Variants in INO80E observed in about 807,000 individuals in gnomAD.
INO80E encodes coiled-coil domain containing 95.
Under a neutral mutation model 27.3 loss-of-function variants are expected in INO80E, and 20 were observed. The ratio of observed to expected loss-of-function variants is 0.73; its 90% CI spans 0.51 to 1.06. The LOEUF is 1.06. INO80E is among the 50% of genes least tolerant of loss of function. The pLI is 0.00. For missense variants in INO80E, 357 were observed against 322.8 expected (o/e 1.11, Z -0.81); for synonymous variants, 167 against 145.9 (o/e 1.14, Z -1.04).
intron 3 of INO80E, 132 bp downstream of exon 3, chr16:29,996,992 C>A: frequency 1.2e-6 from 1 of 808,940 alleles, no homozygotes; most frequent in Non-Finnish European, 2.1e-6. Context: ...GCTTGCCTTC[C>A]ACCTCCACCG....
chr16:30,000,350 G>A lies in INO80E; in HGVS notation c.206-408G>A, dbSNP rs151143733. On this transcript the variant is annotated intron_variant, in intron 3 of 6. Coordinates refer to ENST00000563197, the MANE Select transcript of INO80E (RefSeq NM_173618.3). Reference sequence around the variant, plus strand: ...ACCAGCTGGTGAGTCAGATTCCCCCGGGGCCCTTCTGTTAGGTTTTGGTTT... The same window carrying A: ...ACCAGCTGGTGAGTCAGATTCCCCCAGGGCCCTTCTGTTAGGTTTTGGTTT... Among the ~76,000 whole-genome samples the A allele has an allele frequency of 8.7e-4, 133 of 152,176 alleles. 1 individual carries two copies. Among genetic ancestry groups the A allele is most frequent in the Non-Finnish European group, 1.4e-3 (95 of 68,006 alleles).
intron 4 of INO80E, 39 bp downstream of exon 4, chr16:30,000,875 G>A (rs1232035335): frequency 6.2e-7 from 1 of 1,612,188 alleles, no homozygotes; most frequent in South Asian, 1.1e-5. Flanking sequence ...GGGAGGGTCA[G>A]GTGGGGCGCC....
chr16:29,996,957 C>G (rs1242360992), intron 3 of INO80E, 97 bp downstream of exon 3: 2 of 1,162,926 alleles, frequency 1.7e-6, no homozygotes, highest in East Asian at 4.7e-5. Context: ...GCTGATGCAG[C>G]CCCCAGTGGT....
At position 30,005,208 on chromosome 16, in the gene INO80E, C is replaced by A. The variant is rs950022722; in HGVS notation, c.514-13C>A. 7 of 1,435,274 alleles carry A rather than the reference C, an allele frequency of 4.9e-6. No homozygotes were observed. Among genetic ancestry groups the A allele is most frequent in the Admixed American group, 6.4e-5 (2 of 31,186 alleles). 88.9% of individuals were successfully genotyped at this position (1,435,274 alleles called of 1,614,324 possible). ...CCTGACTAGTCCCCCTGTGTTTCTT[C>A]CCCCTGCTGCAGATGGCGGTGGGAC... On this transcript the variant is annotated splice_polypyrimidine_tract_variant and intron_variant, in intron 6 of 6. Coordinates refer to ENST00000563197, the MANE Select transcript of INO80E (RefSeq NM_173618.3).
chr16:29,998,873 G>A (rs188059816), intron 3 of INO80E, among the ~76,000 whole-genome samples: 2 of 152,270 alleles, frequency 1.3e-5, no homozygotes, highest in African/African-American at 2.4e-5. Context: ...GTGAAACCCC[G>A]TCTCTACTAA....
rs1223439188 is a variant in INO80E at position 29,996,704 on chromosome 16, T to C, written c.152+87T>C. 6.3e-6 allele frequency: 10 copies of C among 1,587,948 alleles called. No individual in the cohort carries two copies. The East Asian group carries it at 2.0e-4, about 32-fold the overall frequency. Reference sequence around the variant, plus strand: ...ATCCCCGAGTAGGGCCACAAGTGCATGGGCTCTTTCAAGTATCCGATGGGC... The same window carrying C: ...ATCCCCGAGTAGGGCCACAAGTGCACGGGCTCTTTCAAGTATCCGATGGGC... On this transcript the variant is annotated intron_variant, in intron 2 of 6. Transcript: ENST00000563197.
In INO80E at chr16:30,005,319, A is replaced by AAGCACCCCCCCCCCC; in HGVS notation, c.612_613insAGCACCCCCCCCCCC (p.Pro204_Pro205insSerThrProProPro). 1 of 280,394 alleles carries AAGCACCCCCCCCCCC rather than the reference A, an allele frequency of 3.6e-6. No individual in the cohort carries two copies. Among genetic ancestry groups the AAGCACCCCCCCCCCC allele is most frequent in the Non-Finnish European group, 5.2e-6 (1 of 190,692 alleles). The allele number at this position is 280,394 out of a possible 1,614,324, so 17.4% of individuals were successfully genotyped here. ...TCGGGACAACCCTGACCCCCCTCCC[A>AAGCACCCCCCCCCCC]CCCCCTAAGATGCCCCCCCCCACGA... On this transcript the variant is annotated inframe_insertion, in exon 7 of 7. Coordinates refer to ENST00000563197, the MANE Select transcript of INO80E (RefSeq NM_173618.3).
chr16:30,001,732 G>A, intron 6 of INO80E: 1 of 548,282 alleles, frequency 1.8e-6, no homozygotes, highest in Middle Eastern at 4.9e-4. Context: ...CAGCCTTGGA[G>A]GACCCGGTGT....
chr16:29,999,111 A>T (rs1025035189), intron 3 of INO80E, among the ~76,000 whole-genome samples: 1 of 151,592 alleles, frequency 6.6e-6, no homozygotes, highest in Non-Finnish European at 1.5e-5. Flanking sequence ...ACGTTTTAGG[A>T]CGTAGTGTTT....
chr16:29,997,121 G>A (rs1202210724), intron 3 of INO80E, among the ~76,000 whole-genome samples: 3 of 152,212 alleles, frequency 2.0e-5, no homozygotes, highest in African/African-American at 7.2e-5. Context: ...TTATATTCTA[G>A]TTGGGAAGAA....
intron 3 of INO80E, among the ~76,000 whole-genome samples, chr16:29,997,246 C>T (rs2070161593): frequency 6.6e-6 from 1 of 152,178 alleles, no homozygotes; most frequent in African/African-American, 2.4e-5. Context: ...ATTGTTTCTG[C>T]AAAGGGCCAG....
In INO80E at chr16:30,005,209, C is replaced by A; in HGVS notation, c.514-12C>A. The A allele has an allele frequency of 7.0e-7, 1 of 1,438,298 alleles. No homozygotes were observed. The highest frequency in any genetic ancestry group is 9.1e-7 in the Non-Finnish European group (1 of 1,099,292). 89.1% of individuals were successfully genotyped at this position (1,438,298 alleles called of 1,614,324 possible). ...CTGACTAGTCCCCCTGTGTTTCTTC[C>A]CCCTGCTGCAGATGGCGGTGGGACC... On this transcript the variant is annotated splice_polypyrimidine_tract_variant and intron_variant, in intron 6 of 6. Coordinates refer to ENST00000563197, the MANE Select transcript of INO80E (RefSeq NM_173618.3).
At chr16:30,004,942 G>A (rs930643989) in intron 6 of INO80E, among the ~76,000 whole-genome samples, 7 of 152,156 alleles carry the variant, frequency 4.6e-5, no homozygotes, top group African/African-American at 7.2e-5. Flanking sequence ...CAGCCCAGGC[G>A]CCTCCCTGGA....
rs145774779 is a variant in INO80E, at chr16:30,000,839, GAGA to G, written c.284+10_284+12del. On this transcript the variant is annotated splice_donor_5th_base_variant and intron_variant, in intron 4 of 6. Coordinates refer to ENST00000563197, the MANE Select transcript of INO80E (RefSeq NM_173618.3). ...TCTGACACACCGGCCCCTAAGAGGT[GAGA>G]AGAAGATGCATTCCTCTCGCTGGGG... The G allele has an allele frequency of 6.6e-4, 1,059 of 1,614,026 alleles. 9 individuals are homozygous for G. The Admixed American group carries it at 0.012, about 19-fold the overall frequency.
rs1199560966 is a variant in INO80E at position 30,001,097 on chromosome 16, A to G, written c.396+57A>G. 4.0e-6 allele frequency: 6 copies of G among 1,497,184 alleles called. No individual in the cohort carries two copies. In the Admixed American group the frequency reaches 1.1e-4, roughly 28 times the overall value. The allele number at this position is 1,497,184 out of a possible 1,614,324, so 92.7% of individuals were successfully genotyped here. A position where few individuals can be genotyped will look rare whatever the true frequency, so the allele number is the denominator to read the frequency against. ...GGAGTAAGGTGGGCGTCATTTGGGCAGAAGGGCTGGGCCTCGGGGCAAGGC... is the reference window on the plus strand; with the variant it reads ...GGAGTAAGGTGGGCGTCATTTGGGCGGAAGGGCTGGGCCTCGGGGCAAGGC... On this transcript the variant is annotated intron_variant, in intron 5 of 6. Coordinates refer to ENST00000563197, the MANE Select transcript of INO80E (RefSeq NM_173618.3).
chr16:30,001,681 C>T (rs1301731346), intron 6 of INO80E, 151 bp downstream of exon 6: 9 of 716,184 alleles, frequency 1.3e-5, no homozygotes, highest in Non-Finnish European at 1.6e-5. Context: ...TCACAGAAGT[C>T]TCGGCTTACA....
chr16:29,998,407 C>T (rs1368985780), intron 3 of INO80E, among the ~76,000 whole-genome samples: 1 of 152,022 alleles, frequency 6.6e-6, no homozygotes, highest in African/African-American at 2.4e-5. Flanking sequence ...GGTTGAAGAG[C>T]AGAGGCATGA....
chr16:30,004,851 T>TGGCAG (rs1380034626), intron 6 of INO80E, among the ~76,000 whole-genome samples: 1 of 152,086 alleles, frequency 6.6e-6, no homozygotes, highest in African/African-American at 2.4e-5. Flanking sequence ...AGGAAGCTGG[T>TGGCAG]GGCAGGTGGC....
chr16:30,001,270 C>G (rs1011652077), intron 5 of INO80E, 144 bp from the exon 6 acceptor site: 2 of 1,490,202 alleles, frequency 1.3e-6, no homozygotes, highest in Non-Finnish European at 1.8e-6. Flanking sequence ...TGCTGCTGCC[C>G]GGCCCTTCTG....
Sources: allele counts gnomAD v4.1 joint callset (sites outside exome capture counted in the v4.1 genomes callset), GRCh38; gene constraint gnomAD v4.1.1; transcripts MANE v1.5; gene names NCBI Gene and HGNC (gene_info 2026-07-23, HGNC 2026-07-21).